SUGCT: variants seen among roughly 807,000 people sequenced by gnomAD.
SUGCT encodes the protein succinyl-CoA:glutarate CoA-transferase.
In SUGCT, 41 loss-of-function variants were observed where a neutral mutation model predicts 55.0. That is an observed-to-expected ratio of 0.74 (90% CI 0.58 to 0.97). The LOEUF (loss-of-function observed/expected upper bound fraction) is 0.97, where lower values mean the gene tolerates loss of function less well. Among genes scored for constraint, SUGCT ranks in the 50% least tolerant of loss-of-function variants. SUGCT has a pLI of 0.00. For synonymous variants in SUGCT, 187 were observed against 200.4 expected (o/e 0.93, Z 0.56); for missense variants, 568 against 547.8 (o/e 1.04, Z -0.37).
At chr7:40,240,721 A>G (rs190893634) in intron 7 of SUGCT, among the ~76,000 whole-genome samples, 17 of 152,318 alleles carry the variant, frequency 1.1e-4, no homozygotes, top group African/African-American at 2.9e-4. Context: ...ACAGCCATGT[A>G]TCTGTGCTGT....
At chr7:40,590,512 G>A (rs1048154199) in intron 12 of SUGCT, among the ~76,000 whole-genome samples, 1 of 152,196 alleles carries the variant, frequency 6.6e-6, no homozygotes. Flanking sequence ...GAAGTAGCAG[G>A]TGCTGATGTA....
At chr7:40,872,792 T>C in the SUGCT span, among the ~76,000 whole-genome samples, 3 of 152,216 alleles carry the variant, frequency 2.0e-5, no homozygotes, top group Non-Finnish European at 4.4e-5. Flanking sequence ...CCCAGAACTG[T>C]AGGGAAGTAG....
chr7:40,475,682 T>C (rs1562803193), intron 11 of SUGCT, among the ~76,000 whole-genome samples: 1 of 152,162 alleles, frequency 6.6e-6, no homozygotes, highest in Admixed American at 6.5e-5. Context: ...AGAATTAACA[T>C]CAAATTTACA....
At chr7:40,513,010 G>C (rs1438654402) in intron 12 of SUGCT, among the ~76,000 whole-genome samples, 1 of 152,090 alleles carries the variant, frequency 6.6e-6, no homozygotes, top group Non-Finnish European at 1.5e-5. Flanking sequence ...ATATCCTTCT[G>C]GGCAATGGAG....
At chr7:40,357,618 T>C (rs896291210) in intron 9 of SUGCT, among the ~76,000 whole-genome samples, 3 of 152,234 alleles carry the variant, frequency 2.0e-5, no homozygotes, top group Non-Finnish European at 2.9e-5. Flanking sequence ...AACAGAGGAA[T>C]GTGGCTGTGT....
At chr7:40,527,103 G>T (rs144608129) in intron 12 of SUGCT, among the ~76,000 whole-genome samples, 1 of 152,100 alleles carries the variant, frequency 6.6e-6, no homozygotes, top group Admixed American at 6.5e-5. Context: ...TGTAATGAAA[G>T]TTTAAACTAC....
chr7:40,478,289 A>G (rs1790820587), intron 11 of SUGCT, among the ~76,000 whole-genome samples: 1 of 152,166 alleles, frequency 6.6e-6, no homozygotes, highest in African/African-American at 2.4e-5. Context: ...TATGGGCATG[A>G]GCCACCATGT....
the SUGCT span, among the ~76,000 whole-genome samples, chr7:40,895,277 C>G: frequency 2.0e-5 from 3 of 151,990 alleles, no homozygotes; most frequent in African/African-American, 4.8e-5. Flanking sequence ...CACATGGACA[C>G]CAAGGAGGGA....
the SUGCT span, among the ~76,000 whole-genome samples, chr7:40,991,846 T>C: frequency 6.6e-6 from 1 of 152,158 alleles, no homozygotes; most frequent in Non-Finnish European, 1.5e-5. Flanking sequence ...TTCCCTCTTC[T>C]GCATGGTGTT....
At chr7:40,341,216 A>G (rs899201218) in intron 9 of SUGCT, among the ~76,000 whole-genome samples, 5 of 152,190 alleles carry the variant, frequency 3.3e-5, no homozygotes, top group Non-Finnish European at 7.4e-5. Flanking sequence ...ATCATTGACC[A>G]TTTTGTATAA....
In SUGCT at chr7:40,377,201, T is replaced by TC. The variant is rs1562728720; in HGVS notation, c.816+60346_816+60347insC. Among the ~76,000 whole-genome samples the TC allele has an allele frequency of 1.4e-3, 9 of 6,220 alleles. 1 individual carries two copies. The Admixed American group carries it at 0.017, about 12-fold the overall frequency. The allele number at this position is 6,220 out of a possible 152,430, so 4.1% of individuals were successfully genotyped here. On this transcript the variant is annotated intron_variant, in intron 9 of 13. Coordinates refer to ENST00000335693, the MANE Select transcript of SUGCT (RefSeq NM_001193313.2). ...TTCTTTCTTTCTTTCTTTCTTTCTT[T>TC]TCTTTTCTTTTCTTTCTTTTCTTTC...
intron 12 of SUGCT, among the ~76,000 whole-genome samples, chr7:40,745,702 T>A (rs921411695): frequency 6.6e-6 from 1 of 152,012 alleles, no homozygotes; most frequent in Non-Finnish European, 1.5e-5. Context: ...AAGGATAAAA[T>A]AAGTAAAATG....
At chr7:40,486,230 T>C (rs1336230643) in intron 11 of SUGCT, among the ~76,000 whole-genome samples, 1 of 152,182 alleles carries the variant, frequency 6.6e-6, no homozygotes, top group African/African-American at 2.4e-5. Context: ...GGAATGTATC[T>C]GTTTCTTCTA....
intron 12 of SUGCT, among the ~76,000 whole-genome samples, chr7:40,678,602 A>T (rs1475174715): frequency 6.6e-6 from 1 of 152,214 alleles, no homozygotes; most frequent in East Asian, 1.9e-4. Context: ...TCACTGAGTG[A>T]TTTTTAACAA....
At chr7:41,038,578 A>G in the SUGCT span, among the ~76,000 whole-genome samples, 5 of 152,198 alleles carry the variant, frequency 3.3e-5, no homozygotes, top group African/African-American at 1.2e-4. Context: ...CAGACAGGAA[A>G]GGAAGGTGAG....
rs139689193 is a variant in SUGCT, at chr7:40,697,054, C to T, written c.1090-52380C>T. ...TACTTTGTGCATAGTATGGTAGTAG[C>T]GGATAGCAATTGCACACACACACAC... On this transcript the variant is annotated intron_variant, in intron 12 of 13. Transcript: ENST00000335693. Among the ~76,000 whole-genome samples, 88 of 152,020 alleles carry T rather than the reference C, an allele frequency of 5.8e-4. 1 individual carries two copies. The highest frequency in any genetic ancestry group is 1.8e-3 in the African/African-American group (73 of 41,460).
chr7:40,796,506 T>G (rs957737921), intron 13 of SUGCT, among the ~76,000 whole-genome samples: 1 of 152,200 alleles, frequency 6.6e-6, no homozygotes, highest in Non-Finnish European at 1.5e-5. Context: ...TTTTATTCTC[T>G]GTTAGGTACC....
chr7:40,893,578 A>G, the SUGCT span, among the ~76,000 whole-genome samples: 1 of 152,332 alleles, frequency 6.6e-6, no homozygotes, highest in African/African-American at 2.4e-5. Context: ...GATATTAAAG[A>G]GCATGCTAGT....
the SUGCT span, among the ~76,000 whole-genome samples, chr7:40,915,561 A>G: frequency 0.027 from 4,052 of 152,330 alleles, 187 homozygotes; most frequent in African/African-American, 0.091. Context: ...GTGTTAAGAT[A>G]TGGTCACAGA....
Sources: allele counts gnomAD v4.1 joint callset (sites outside exome capture counted in the v4.1 genomes callset), GRCh38; gene constraint gnomAD v4.1.1; transcripts MANE v1.5; gene names NCBI Gene and HGNC (gene_info 2026-07-23, HGNC 2026-07-21).